The following ADAM23 variants were observed in gnomAD, a reference collection of about 807,000 sequenced individuals.
The protein encoded by ADAM23 is disintegrin and metalloproteinase domain-containing protein 23.
ADAM23 carries 33 observed loss-of-function variants against 120.1 expected under a neutral mutation model. The observed-to-expected ratio is 0.27, with a 90% CI of 0.21 to 0.37. The LOEUF (loss-of-function observed/expected upper bound fraction) is 0.37. Ranked by LOEUF, ADAM23 falls within the 10% of genes least tolerant of loss-of-function variation. The pLI is 1.00. For missense variants in ADAM23, 862 were observed against 1,058.2 expected, an observed-to-expected ratio of 0.81 and a Z score of 2.57; for synonymous variants, 367 against 375.2, an observed-to-expected ratio of 0.98 and a Z score of 0.25.
rs76113406 is a variant in ADAM23, at chr2:206,463,294, A to G, written c.432+17770A>G. Among the ~76,000 whole-genome samples the G allele has an allele frequency of 2.2e-3, 338 of 152,278 alleles. 4 individuals carry two copies. The highest frequency in any genetic ancestry group is 7.8e-3 in the African/African-American group (323 of 41,570). On this transcript the variant is annotated intron_variant, in intron 2 of 25. Transcript: ENST00000264377. ...CCCTGATACAGTCAGAGAGAAGGAGATGTAATGTTGGAAACAGAGGTTTGA... is the reference window on the plus strand; with the variant it reads ...CCCTGATACAGTCAGAGAGAAGGAGGTGTAATGTTGGAAACAGAGGTTTGA...
chr2:206,496,408 A>G (rs1267309291), intron 3 of ADAM23, among the ~76,000 whole-genome samples: 15 of 152,208 alleles, frequency 9.9e-5, no homozygotes, highest in Admixed American at 8.5e-4. Flanking sequence ...ACTACTGGGT[A>G]CATAACGAAA....
intron 17 of ADAM23, among the ~76,000 whole-genome samples, chr2:206,572,578 C>CT (rs1204661994): frequency 6.6e-6 from 1 of 152,138 alleles, no homozygotes. Flanking sequence ...GGGCTCTTTC[C>CT]TTCACCTTTT....
At chr2:206,477,901 T>TATATATATATATATAC (rs1553548691) in intron 2 of ADAM23, among the ~76,000 whole-genome samples, 6 of 122,216 alleles carry the variant, frequency 4.9e-5, no homozygotes, top group Non-Finnish European at 6.6e-5. Context: ...AAAAAAAATA[T>TATATATATATATATAC]ATATATATAT....
At position 206,617,946 on chromosome 2, in the gene ADAM23, G is replaced by C. The variant is rs1698966635; in HGVS notation, c.*319G>C. 2 of 252,684 alleles carry C rather than the reference G, an allele frequency of 7.9e-6. No homozygotes were observed. The highest frequency in any genetic ancestry group is 5.6e-5 in the Admixed American group (1 of 18,018). 15.7% of individuals were successfully genotyped at this position (252,684 alleles called of 1,614,324 possible). On this transcript the variant is annotated 3_prime_UTR_variant, in exon 26 of 26. Transcript: ENST00000264377. ...CACACAAAAATTAAATGCAATAAAG[G>C]AATCATTAAAAAAAATAGTAAATGA... is the stretch of plus-strand genomic sequence containing the variant.
intron 6 of ADAM23, among the ~76,000 whole-genome samples, chr2:206,546,318 T>C (rs1003996803): frequency 6.6e-6 from 1 of 152,200 alleles, no homozygotes; most frequent in African/African-American, 2.4e-5. Context: ...ATTTAGAGCT[T>C]ACTGTAATTA....
intron 2 of ADAM23, among the ~76,000 whole-genome samples, chr2:206,474,782 C>T (rs770915398): frequency 6.6e-6 from 1 of 152,090 alleles, no homozygotes; most frequent in Non-Finnish European, 1.5e-5. Flanking sequence ...ACCATGTTGC[C>T]CAGCCTGGTC....
intron 25 of ADAM23, among the ~76,000 whole-genome samples, chr2:206,612,483 C>G (rs1698844759): frequency 6.6e-6 from 1 of 152,188 alleles, no homozygotes; most frequent in Non-Finnish European, 1.5e-5. Flanking sequence ...CCTCCTGATA[C>G]CAGGTTTTTA....
intron 24 of ADAM23, among the ~76,000 whole-genome samples, chr2:206,600,167 A>T (rs886386106): frequency 6.6e-6 from 1 of 152,160 alleles, no homozygotes; most frequent in African/African-American, 2.4e-5. Flanking sequence ...GCGACACTGC[A>T]CTCCAACCTG....
At chr2:206,518,955 C>T (rs1559245122) in intron 3 of ADAM23, among the ~76,000 whole-genome samples, 2 of 152,274 alleles carry the variant, frequency 1.3e-5, no homozygotes, top group Non-Finnish European at 2.9e-5. Flanking sequence ...TAGTCCTCAA[C>T]TTCCAGTTTA....
intron 21 of ADAM23, among the ~76,000 whole-genome samples, chr2:206,590,933 C>T (rs1396101421): frequency 6.6e-6 from 1 of 152,142 alleles, no homozygotes; most frequent in Non-Finnish European, 1.5e-5. Context: ...GTTTGAGAGG[C>T]ATTGGATTAG....
intron 3 of ADAM23, among the ~76,000 whole-genome samples, chr2:206,500,349 C>G (rs1696361919): frequency 6.6e-6 from 1 of 152,042 alleles, no homozygotes; most frequent in South Asian, 2.1e-4. Flanking sequence ...TAACACAATT[C>G]CTTAGATATT....
At chr2:206,595,693 G>C (rs904925298) in intron 23 of ADAM23, among the ~76,000 whole-genome samples, 2 of 152,066 alleles carry the variant, frequency 1.3e-5, no homozygotes, top group Non-Finnish European at 2.9e-5. Flanking sequence ...AGTTACTTCT[G>C]AACAAAGTAG....
At chr2:206,606,787 A>G in intron 24 of ADAM23, 1 of 152,204 alleles carries the variant, frequency 6.6e-6, no homozygotes, top group African/African-American at 2.4e-5. Flanking sequence ...CTCTCTAATT[A>G]GAAAAAGAAT....
intron 2 of ADAM23, among the ~76,000 whole-genome samples, chr2:206,476,735 T>TG (rs1226000380): frequency 2.6e-5 from 4 of 152,178 alleles, no homozygotes; most frequent in African/African-American, 9.7e-5. Flanking sequence ...TCTCAGAAGA[T>TG]GTGATGATCC....
At chr2:206,503,286 C>T (rs762110254) in intron 3 of ADAM23, among the ~76,000 whole-genome samples, 4 of 151,960 alleles carry the variant, frequency 2.6e-5, no homozygotes, top group Non-Finnish European at 4.4e-5. Context: ...TAGTTACTCT[C>T]TGTATGTTGG....
At chr2:206,579,167 T>C (rs1698175572) in intron 18 of ADAM23, among the ~76,000 whole-genome samples, 1 of 152,220 alleles carries the variant, frequency 6.6e-6, no homozygotes. Flanking sequence ...GAAGATTTTC[T>C]CCCATTCTTT....
intron 9 of ADAM23, among the ~76,000 whole-genome samples, chr2:206,552,084 A>T (rs1697539191): frequency 6.6e-6 from 1 of 152,048 alleles, no homozygotes; most frequent in Non-Finnish European, 1.5e-5. Context: ...TTCCCAGCTG[A>T]TTCTCAATCT....
At chr2:206,617,463 A>G in intron 25 of ADAM23, 116 bp from the exon 26 acceptor site, 1 of 1,160,206 alleles carries the variant, frequency 8.6e-7, no homozygotes, top group East Asian at 2.7e-5. Flanking sequence ...TGAGTTAATT[A>G]CTTTGCTCTG....
At chr2:206,581,401 C>T (rs1698216632) in intron 18 of ADAM23, among the ~76,000 whole-genome samples, 1 of 152,226 alleles carries the variant, frequency 6.6e-6, no homozygotes, top group African/African-American at 2.4e-5. Flanking sequence ...TGCTGTATCC[C>T]AGAGGTTTTG....
Sources: gnomAD v4.1 joint callset for allele counts (sites outside exome capture counted in the v4.1 genomes callset) on GRCh38, gnomAD v4.1.1 for gene constraint, MANE v1.5 for transcripts, NCBI Gene and HGNC (gene_info 2026-07-23, HGNC 2026-07-21) for gene names.